The following EVC2 variants were observed in gnomAD, a reference collection of about 807,000 sequenced individuals.
The protein encoded by EVC2 is EvC ciliary complex subunit 2.
Under a neutral mutation model 149.3 loss-of-function variants are expected in EVC2, and 148 were observed. The ratio of observed to expected loss-of-function variants is 0.99; its 90% CI spans 0.87 to 1.14. The LOEUF is 1.14. EVC2 is among the 50% of genes most tolerant of loss of function. EVC2 has a pLI of 0.00. For synonymous variants in EVC2, 776 were observed against 649.9 expected, an observed-to-expected ratio of 1.19 and a Z score of -2.95; for missense variants, 1,854 against 1,627.3, an observed-to-expected ratio of 1.14 and a Z score of -2.40.
intron 21 of EVC2, among the ~76,000 whole-genome samples, chr4:5,548,032 G>A (rs185132903): frequency 3.3e-5 from 5 of 152,200 alleles, no homozygotes; most frequent in Admixed American, 6.5e-5. Flanking sequence ...TGCCCACGCC[G>A]GCACCTGGAG....
rs185500480 is a variant in EVC2, at chr4:5,633,417, C to T, written c.1471-1385G>A. On this transcript the variant is annotated intron_variant, in intron 10 of 21. Transcript: ENST00000344408. This position sits in a 1 kb window ranked among gnomAD's most constrained non-coding sequence, Gnocchi z 4.4. ...TGCTTAGGCAGGAATAGAAAACTGACACCCTCCGTTTTATAAGAGAAGAAA... is the reference window on the plus strand; with the variant it reads ...TGCTTAGGCAGGAATAGAAAACTGATACCCTCCGTTTTATAAGAGAAGAAA... Among the ~76,000 whole-genome samples, 276 of 152,324 alleles carry T rather than the reference C, an allele frequency of 1.8e-3. 1 individual carries two copies. The highest frequency in any genetic ancestry group is 6.1e-3 in the African/African-American group (253 of 41,560).
intron 17 of EVC2, among the ~76,000 whole-genome samples, chr4:5,583,758 ATATTT>A (rs74682750): frequency 0.28 from 42,973 of 151,132 alleles, 7,615 homozygotes; most frequent in East Asian, 0.85. Context: ...AAGGGTTTGT[ATATTT>A]TATTAGACTT....
intron 16 of EVC2, among the ~76,000 whole-genome samples, chr4:5,594,155 C>T (rs1398316288): frequency 6.6e-6 from 1 of 152,166 alleles, no homozygotes; most frequent in African/African-American, 2.4e-5. Context: ...CACAGACAAA[C>T]AAAAAGACAG....
rs1225003407 is a variant in EVC2 at position 5,622,812 on chromosome 4, C to G, written c.2226G>C (p.Ser742=). ...GCTCGTCGGTGGCCTTTTCAAACAG[C>G]GAAAGGGTCAGGGTCCTGAGATCGT... ...ALDDLRTLTL[S]LFEKATDELR... Residue 742 remains serine (S), a synonymous_variant, in exon 14 of 22, where the codon TCG becomes TCC. Transcript: ENST00000344408. This position sits in a 1 kb window ranked among gnomAD's most constrained non-coding sequence, Gnocchi z 5.8. The G allele has an allele frequency of 6.2e-7, 1 of 1,614,042 alleles. No homozygotes were observed. Among genetic ancestry groups the G allele is most frequent in the Non-Finnish European group, 8.5e-7 (1 of 1,180,020 alleles).
At chr4:5,542,379 T>A (rs1271802944), downstream of EVC2, among the ~76,000 whole-genome samples, 1 of 152,172 alleles carries the variant, frequency 6.6e-6, no homozygotes, top group African/African-American at 2.4e-5. Flanking sequence ...CACTTGAGCC[T>A]GGGAGTTTGA....
intron 7 of EVC2, among the ~76,000 whole-genome samples, 164 bp downstream of exon 7, chr4:5,681,096 C>T (rs1371969988): frequency 6.6e-6 from 1 of 152,196 alleles, no homozygotes; most frequent in Non-Finnish European, 1.5e-5. Context: ...CAGATAGCCT[C>T]AGGGCACACG....
exon 23 of EVC2, chr4:5,542,809 G>A (rs1368081881): frequency 1.9e-5 from 4 of 213,740 alleles, no homozygotes; most frequent in East Asian, 2.7e-4. Flanking sequence ...AGTCATCCTC[G>A]TCATGAGGGC....
In EVC2 at chr4:5,636,015, C is replaced by A. The variant is rs73794686; in HGVS notation, c.1471-3983G>T. 0.064 allele frequency among the ~76,000 whole-genome samples: 9,725 copies of A among 152,262 alleles called. 1,022 individuals carry two copies. The highest frequency in any genetic ancestry group is 0.22 in the African/African-American group (9,008 of 41,526). The stretch of plus-strand genomic sequence containing the variant: ...ACATTCAGTTATGAATCATAATAAA[C>A]CCTTGTCCAAGGTTGACTCAGCGCC... On this transcript the variant is annotated intron_variant, in intron 10 of 21. Transcript: ENST00000344408. The surrounding 1 kb of genome is among the most constrained non-coding windows in gnomAD (Gnocchi z 4.6).
At chr4:5,671,325 GC>G (rs1030117589) in intron 7 of EVC2, among the ~76,000 whole-genome samples, 3 of 152,074 alleles carry the variant, frequency 2.0e-5, no homozygotes, top group African/African-American at 7.2e-5. Context: ...AAGGGTTTGT[GC>G]CCCTGTTAAC....
chr4:5,675,294 T>C (rs1321899881), intron 7 of EVC2, among the ~76,000 whole-genome samples: 1 of 152,208 alleles, frequency 6.6e-6, no homozygotes, highest in Non-Finnish European at 1.5e-5. Flanking sequence ...CCATATTTAC[T>C]TTTTACTAAT....
chr4:5,599,400 G>GA (rs888593775), intron 16 of EVC2, among the ~76,000 whole-genome samples: 137 of 152,260 alleles, frequency 9.0e-4, no homozygotes, highest in East Asian at 4.0e-3. Flanking sequence ...CATAAAAAAT[G>GA]ATGAGTTCAT....
At chr4:5,627,409 T>C (rs897548678) in intron 12 of EVC2, among the ~76,000 whole-genome samples, 1 of 152,242 alleles carries the variant, frequency 6.6e-6, no homozygotes, top group Non-Finnish European at 1.5e-5. Flanking sequence ...GAATGCGAAG[T>C]AAATTGCAGT....
chr4:5,695,117 A>C (rs1230051597), intron 2 of EVC2, among the ~76,000 whole-genome samples: 1 of 152,116 alleles, frequency 6.6e-6, no homozygotes, highest in African/African-American at 2.4e-5. Context: ...TGGGAGGCTG[A>C]GGCGGGCAGA....
At chr4:5,603,409 A>G (rs1714147431) in intron 16 of EVC2, among the ~76,000 whole-genome samples, 1 of 152,158 alleles carries the variant, frequency 6.6e-6, no homozygotes, top group Non-Finnish European at 1.5e-5. Flanking sequence ...TTCCCTTCCT[A>G]AATGGATTCC....
intron 16 of EVC2, among the ~76,000 whole-genome samples, chr4:5,612,040 T>C (rs1714863110): frequency 6.6e-6 from 1 of 152,214 alleles, no homozygotes; most frequent in Non-Finnish European, 1.5e-5. Context: ...TTCATGGCTA[T>C]CACATTTGCC....
Position 5,618,723 on chromosome 4 carries a change from G to C in EVC2, c.2502-41C>G. On this transcript the variant is annotated intron_variant, in intron 14 of 21. Coordinates refer to ENST00000344408, the MANE Select transcript of EVC2 (RefSeq NM_147127.5). This position sits in a 1 kb window ranked among gnomAD's most constrained non-coding sequence, Gnocchi z 4.4. ...GAGACACACTCTTAACACAGAGAAA[G>C]CCTGGGGGCTGGGCTGGGGTGAAGA... 6.5e-7 allele frequency: 1 copy of C among 1,548,996 alleles called. No individual in the cohort carries two copies. Among genetic ancestry groups the C allele is most frequent in the South Asian group, 1.2e-5 (1 of 84,344 alleles).
At chr4:5,623,139 G>T in intron 13 of EVC2, 148 bp from the exon 14 acceptor site, 2 of 863,628 alleles carry the variant, frequency 2.3e-6, no homozygotes, top group Non-Finnish European at 3.5e-6. Flanking sequence ...TTTTTTGTTT[G>T]CTTGTTTGTT....
chr4:5,659,486 T>C (rs1015624526), intron 9 of EVC2, among the ~76,000 whole-genome samples: 14 of 151,466 alleles, frequency 9.2e-5, no homozygotes, highest in Admixed American at 2.6e-4. Flanking sequence ...TCAATAAATA[T>C]TGAATGTTGG....
In EVC2 at chr4:5,673,286, A is replaced by G. The variant is rs536087414; in HGVS notation, c.871-7637T>C. 2.0e-5 allele frequency among the ~76,000 whole-genome samples: 3 copies of G among 152,322 alleles called. No individual in the cohort carries two copies. The South Asian group carries it at 6.2e-4, about 32-fold the overall frequency. On this transcript the variant is annotated intron_variant, in intron 7 of 21. Transcript: ENST00000344408. ...TCAACAGAGTGTTGTGATGGAATGT[A>G]TATGTAAGAAGCCAGACACAGGAGG...
Sources: allele counts gnomAD v4.1 joint callset (sites outside exome capture counted in the v4.1 genomes callset), GRCh38; gene constraint gnomAD v4.1.1; non-coding constraint Gnocchi (gnomAD v3.1); transcripts MANE v1.5; gene names NCBI Gene and HGNC (gene_info 2026-07-23, HGNC 2026-07-21).